CALCR: variants seen among roughly 807,000 people sequenced by gnomAD.
CALCR encodes calcitonin receptor.
A neutral mutation model predicts 59.5 loss-of-function variants in CALCR; 47 were observed. The ratio of observed to expected loss-of-function variants is 0.79; its 90% CI spans 0.63 to 1.01. The LOEUF (loss-of-function observed/expected upper bound fraction) is 1.01, where lower values mean the gene tolerates loss of function less well. Among genes scored for constraint, CALCR ranks in the 50% least tolerant of loss-of-function variants. The pLI is 0.00. For missense variants in CALCR, 566 were observed against 597.1 expected, an observed-to-expected ratio of 0.95 and a Z score of 0.54; for synonymous variants, 213 against 211.3, an observed-to-expected ratio of 1.01 and a Z score of -0.07.
intron 8 of CALCR, among the ~76,000 whole-genome samples, chr7:93,454,916 T>TTGTGTG (rs4015273): frequency 0.026 from 3,831 of 144,946 alleles, 59 homozygotes; most frequent in East Asian, 0.037. Context: ...ACAGGGCATT[T>TTGTGTG]TGTGTGTGTG....
At chr7:93,428,259 C>T (rs573163762) in intron 13 of CALCR, among the ~76,000 whole-genome samples, 1 of 152,208 alleles carries the variant, frequency 6.6e-6, no homozygotes, top group South Asian at 2.1e-4. Flanking sequence ...TCACAACAGC[C>T]CTATGGGAAG....
intron 2 of CALCR, among the ~76,000 whole-genome samples, chr7:93,551,692 TGGAGA>T (rs1289291684): frequency 6.6e-6 from 1 of 152,148 alleles, no homozygotes; most frequent in Non-Finnish European, 1.5e-5. Flanking sequence ...ATCTCCTGGA[TGGAGA>T]GGATGGAAGG....
chr7:93,444,112 T>C (rs554347523), intron 8 of CALCR, among the ~76,000 whole-genome samples: 2 of 152,252 alleles, frequency 1.3e-5, no homozygotes, highest in South Asian at 2.1e-4. Flanking sequence ...CCCTTTTCTA[T>C]GGCCAGTGAA....
At chr7:93,524,775 T>C (rs1801842259) in intron 2 of CALCR, among the ~76,000 whole-genome samples, 1 of 152,144 alleles carries the variant, frequency 6.6e-6, no homozygotes, top group Non-Finnish European at 1.5e-5. Flanking sequence ...AAGTAGCTAA[T>C]GAGACTCCAC....
chr7:93,491,498 A>G (rs989402025), intron 2 of CALCR, among the ~76,000 whole-genome samples: 3 of 152,136 alleles, frequency 2.0e-5, no homozygotes, highest in Admixed American at 1.3e-4. Flanking sequence ...AATTTTTGCA[A>G]TCTACCTAAC....
At chr7:93,494,432 A>G (rs900382143) in intron 2 of CALCR, among the ~76,000 whole-genome samples, 1 of 151,480 alleles carries the variant, frequency 6.6e-6, no homozygotes, top group Non-Finnish European at 1.5e-5. Context: ...GCTTATGAGA[A>G]CAAAAATAGT....
intron 2 of CALCR, among the ~76,000 whole-genome samples, chr7:93,548,841 TG>T (rs1789367869): frequency 1.4e-5 from 1 of 73,488 alleles, no homozygotes; most frequent in Non-Finnish European, 2.6e-5. Flanking sequence ...CCAGAAGAAG[TG>T]TGTGTGTGTG....
At chr7:93,505,807 G>A (rs1256031114) in intron 2 of CALCR, among the ~76,000 whole-genome samples, 1 of 152,122 alleles carries the variant, frequency 6.6e-6, no homozygotes, top group East Asian at 1.9e-4. Context: ...AAGGCCACCT[G>A]GGACTAGGTA....
At chr7:93,564,598 G>A (rs767692897) in intron 2 of CALCR, among the ~76,000 whole-genome samples, 2 of 151,972 alleles carry the variant, frequency 1.3e-5, no homozygotes, top group Admixed American at 6.6e-5. Flanking sequence ...GATTACAGGC[G>A]CACACCACTA....
intron 2 of CALCR, among the ~76,000 whole-genome samples, chr7:93,514,143 T>C (rs1263614025): frequency 6.6e-6 from 1 of 152,116 alleles, no homozygotes; most frequent in African/African-American, 2.4e-5. Context: ...GGTGAATTTG[T>C]AGTCTATGTG....
chr7:93,561,488 T>C (rs1470880691), intron 2 of CALCR, among the ~76,000 whole-genome samples: 1 of 152,136 alleles, frequency 6.6e-6, no homozygotes, highest in Admixed American at 6.6e-5. Flanking sequence ...ACAATTCCTT[T>C]TCCAGTGTGA....
chr7:93,429,865 A>AC (rs1016643666), intron 13 of CALCR, among the ~76,000 whole-genome samples: 2 of 151,686 alleles, frequency 1.3e-5, no homozygotes, highest in African/African-American at 4.8e-5. Flanking sequence ...AAAAAAAAAA[A>AC]ACACTTTAAA....
intron 2 of CALCR, among the ~76,000 whole-genome samples, chr7:93,490,561 C>T (rs539473828): frequency 2.0e-5 from 3 of 151,944 alleles, no homozygotes; most frequent in South Asian, 4.2e-4. Context: ...AGCAAAGTCG[C>T]AGGATAAAAA....
Position 93,563,728 on chromosome 7 carries a change from C to T in CALCR, c.-27+10561G>A, listed in dbSNP as rs559115567. On this transcript the variant is annotated intron_variant, in intron 2 of 13. Transcript: ENST00000426151. ...AACTGAAAGACATTTTATATCCTAA[C>T]GACAGAGCTTTGGCTGTCATGCATT... Among the ~76,000 whole-genome samples, 10 of 152,308 alleles carry T rather than the reference C, an allele frequency of 6.6e-5. No homozygotes were observed. The South Asian group carries it at 1.0e-3, about 16-fold the overall frequency.
intron 2 of CALCR, among the ~76,000 whole-genome samples, chr7:93,525,972 G>A (rs1425806976): frequency 6.6e-6 from 1 of 152,150 alleles, no homozygotes; most frequent in African/African-American, 2.4e-5. Flanking sequence ...ATCACTTGTA[G>A]ACATTTAATT....
At chr7:93,443,183 G>A (rs1326647801) in intron 9 of CALCR, among the ~76,000 whole-genome samples, 3 of 152,146 alleles carry the variant, frequency 2.0e-5, no homozygotes. Flanking sequence ...TTGACAGGAA[G>A]AAATGTTCTT....
intron 2 of CALCR, among the ~76,000 whole-genome samples, chr7:93,510,991 T>G (rs552044573): frequency 6.6e-6 from 1 of 152,152 alleles, no homozygotes; most frequent in East Asian, 1.9e-4. Context: ...CCTGGGGGAT[T>G]AGGGAAGACT....
intron 7 of CALCR, chr7:93,462,056 T>A: frequency 6.8e-7 from 1 of 1,461,636 alleles, no homozygotes; most frequent in Non-Finnish European, 9.2e-7. Context: ...AGCCTGGGTT[T>A]ACTTACAATG....
Position 93,454,805 on chromosome 7 carries a change from A to G in CALCR, c.648+6016T>C, listed in dbSNP as rs147421154. Among the ~76,000 whole-genome samples, 80 of 152,018 alleles carry G rather than the reference A, an allele frequency of 5.3e-4. 1 individual carries two copies. Among genetic ancestry groups the G allele is most frequent in the African/African-American group, 1.9e-3 (77 of 41,506 alleles). On this transcript the variant is annotated intron_variant, in intron 8 of 13. Coordinates refer to ENST00000426151, the MANE Select transcript of CALCR (RefSeq NM_001742.4). ...AGGAATAAGATTCTCACCCTTGGCCATTCAGGAGATAATATAACTTTCCAA... is the reference window on the plus strand; with the variant it reads ...AGGAATAAGATTCTCACCCTTGGCCGTTCAGGAGATAATATAACTTTCCAA...
Sources: allele counts gnomAD v4.1 joint callset (sites outside exome capture counted in the v4.1 genomes callset), GRCh38; gene constraint gnomAD v4.1.1; transcripts MANE v1.5; gene names NCBI Gene and HGNC (gene_info 2026-07-23, HGNC 2026-07-21).